CLVS1: variants seen among roughly 807,000 people sequenced by gnomAD.
CLVS1 encodes the protein clavesin-1.
CLVS1 carries 10 observed loss-of-function variants against 33.1 expected under a neutral mutation model. The ratio of observed to expected loss-of-function variants is 0.30; its 90% CI spans 0.19 to 0.51. The LOEUF (loss-of-function observed/expected upper bound fraction) is 0.51. Ranked by LOEUF, CLVS1 falls within the 20% of genes least tolerant of loss-of-function variation. CLVS1 has a pLI of 0.97. For synonymous variants in CLVS1, 163 were observed against 166.1 expected (o/e 0.98, Z 0.14); for missense variants, 343 against 433.4 (o/e 0.79, Z 1.85).
the CLVS1 span, among the ~76,000 whole-genome samples, chr8:60,991,744 CTT>C: frequency 5.1e-3 from 608 of 118,932 alleles, 2 homozygotes; most frequent in African/African-American, 0.018. Flanking sequence ...AAGCCCCACT[CTT>C]TTTTTTTTTT....
At chr8:61,154,218 TTTG>T in intron 2 of CLVS1, among the ~76,000 whole-genome samples, 7 of 151,730 alleles carry the variant, frequency 4.6e-5, no homozygotes, top group Admixed American at 4.6e-4. Flanking sequence ...TTTGTTTTTT[TTTG>T]TTTGTTTGTT....
At chr8:61,074,237 C>T (rs1393025571) in intron 1 of CLVS1, among the ~76,000 whole-genome samples, 1 of 150,298 alleles carries the variant, frequency 6.7e-6, no homozygotes, top group African/African-American at 2.4e-5. Context: ...ACTTGGGAGG[C>T]TGAGGTGAGA....
chr8:61,213,036 A>C (rs1808005164), intron 2 of CLVS1, among the ~76,000 whole-genome samples: 1 of 151,886 alleles, frequency 6.6e-6, no homozygotes, highest in Non-Finnish European at 1.5e-5. Flanking sequence ...TGGTCCCACT[A>C]TCCCTCACCA....
At chr8:61,401,283 T>C (rs1814739857) in intron 3 of CLVS1, among the ~76,000 whole-genome samples, 1 of 152,026 alleles carries the variant, frequency 6.6e-6, no homozygotes, top group South Asian at 2.1e-4. Context: ...TTTTCTTGCT[T>C]AAATGCCCTG....
At chr8:61,085,072 G>T (rs1055629277) in intron 1 of CLVS1, among the ~76,000 whole-genome samples, 1 of 152,176 alleles carries the variant, frequency 6.6e-6, no homozygotes, top group Non-Finnish European at 1.5e-5. Context: ...CGTTGAAAGG[G>T]ATTGAGCAGC....
chr8:61,244,187 T>G (rs1449572861), intron 2 of CLVS1, among the ~76,000 whole-genome samples: 3 of 151,958 alleles, frequency 2.0e-5, no homozygotes, highest in Admixed American at 2.0e-4. Flanking sequence ...GCATTGCATT[T>G]TTTTTTTAAT....
intron 2 of CLVS1, among the ~76,000 whole-genome samples, chr8:61,320,397 G>T (rs2129596199): frequency 6.6e-6 from 1 of 151,682 alleles, no homozygotes; most frequent in South Asian, 2.1e-4. Flanking sequence ...AAAAAGATAA[G>T]CTTTGTGCTT....
the CLVS1 span, among the ~76,000 whole-genome samples, chr8:61,018,263 T>C: frequency 6.6e-6 from 1 of 152,208 alleles, no homozygotes; most frequent in African/African-American, 2.4e-5. Context: ...TGACTCCAAA[T>C]TTCGTGTTAT....
At chr8:61,459,495 G>GC (rs1563562754) in intron 5 of CLVS1, among the ~76,000 whole-genome samples, 1 of 132,908 alleles carries the variant, frequency 7.5e-6, no homozygotes, top group South Asian at 2.4e-4. Flanking sequence ...TTTATCCCTC[G>GC]CCCCCCTCCT....
At chr8:61,058,558 C>T (rs76123896) in intron 1 of CLVS1, among the ~76,000 whole-genome samples, 8,213 of 152,254 alleles carry the variant, frequency 0.054, 270 homozygotes, top group South Asian at 0.14. Flanking sequence ...AATTAACATA[C>T]AATACACCAC....
At chr8:60,969,033 TTG>T in the CLVS1 span, among the ~76,000 whole-genome samples, 2 of 152,066 alleles carry the variant, frequency 1.3e-5, no homozygotes, top group Admixed American at 6.6e-5. Context: ...CATGTTCACC[TTG>T]TGGTGGAGAC....
intron 3 of CLVS1, among the ~76,000 whole-genome samples, chr8:61,403,994 CAT>C (rs768036887): frequency 1.3e-5 from 2 of 152,184 alleles, no homozygotes; most frequent in Non-Finnish European, 2.9e-5. Context: ...GAATTCCAGA[CAT>C]AATGAATAAT....
intron 2 of CLVS1, among the ~76,000 whole-genome samples, chr8:61,363,340 G>C (rs1226773931): frequency 1.2e-4 from 19 of 152,144 alleles, no homozygotes; most frequent in Non-Finnish European, 1.5e-5. Context: ...TTGCTATTCA[G>C]AGTGTAGGAT....
intron 2 of CLVS1, among the ~76,000 whole-genome samples, chr8:61,192,345 C>CTTACA (rs1807503364): frequency 6.6e-6 from 1 of 152,262 alleles, no homozygotes; most frequent in East Asian, 1.9e-4. Context: ...GAAACTGGAT[C>CTTACA]CCTTCCTTAC....
chr8:61,033,125 AG>A, the CLVS1 span, among the ~76,000 whole-genome samples: 2,050 of 40,004 alleles, frequency 0.051, 198 homozygotes, highest in African/African-American at 0.11. Flanking sequence ...GAAGGAAGAA[AG>A]GAAAGAAAGA....
At chr8:61,419,394 C>T (rs1815565565) in intron 3 of CLVS1, among the ~76,000 whole-genome samples, 1 of 101,906 alleles carries the variant, frequency 9.8e-6, no homozygotes, top group Non-Finnish European at 1.7e-5. Context: ...AAGACTCCGT[C>T]TCAAAAAAAA....
At chr8:61,378,861 G>A (rs866892904) in intron 3 of CLVS1, among the ~76,000 whole-genome samples, 54 of 152,282 alleles carry the variant, frequency 3.5e-4, no homozygotes, top group African/African-American at 1.1e-3. Context: ...TTTTCAGGTA[G>A]CCATTAACCC....
chr8:61,276,404 G>A (rs1295054216), intron 2 of CLVS1, among the ~76,000 whole-genome samples: 3 of 152,180 alleles, frequency 2.0e-5, no homozygotes, highest in African/African-American at 4.8e-5. Context: ...CCAGCGGAAG[G>A]TGTATATGAG....
chr8:61,158,905 C>A (rs1806699049), intron 2 of CLVS1, among the ~76,000 whole-genome samples: 1 of 152,184 alleles, frequency 6.6e-6, no homozygotes, highest in South Asian at 2.1e-4. Context: ...TGGCTCACTG[C>A]CACCTCAACC....
Sources: gnomAD v4.1 joint callset for allele counts (sites outside exome capture counted in the v4.1 genomes callset) on GRCh38, gnomAD v4.1.1 for gene constraint, MANE v1.5 for transcripts, NCBI Gene and HGNC (gene_info 2026-07-23, HGNC 2026-07-21) for gene names.